DOK7: variants seen among roughly 807,000 people sequenced by gnomAD.
DOK7 encodes the protein docking protein 7, also known as protein Dok-7.
A neutral mutation model predicts 30.7 loss-of-function variants in DOK7; 32 were observed. The observed-to-expected ratio is 1.04, with a 90% confidence interval of 0.79 to 1.40. The LOEUF (loss-of-function observed/expected upper bound fraction) is 1.40. DOK7 is among the 40% of genes most tolerant of loss of function. The probability of loss-of-function intolerance (pLI) is 0.00; values close to 1 mark genes in which losing one functional copy is unlikely to be tolerated. For missense variants in DOK7, 1,007 were observed against 699.2 expected, an observed-to-expected ratio of 1.44 and a Z score of -4.97; for synonymous variants, 447 against 324.1, an observed-to-expected ratio of 1.38 and a Z score of -4.07.
At chr4:3,474,283 C>G (rs1391507839) in intron 3 of DOK7, among the ~76,000 whole-genome samples, 1 of 152,176 alleles carries the variant, frequency 6.6e-6, no homozygotes, top group Non-Finnish European at 1.5e-5. Flanking sequence ...TGCCAAAACC[C>G]CATAATGAGC....
intron 2 of DOK7, among the ~76,000 whole-genome samples, chr4:3,467,564 CGT>C (rs376864280): frequency 1.5e-4 from 23 of 150,732 alleles, no homozygotes; most frequent in African/African-American, 4.6e-4. Context: ...TGTGCACGTG[CGT>C]GTGTGTGTGT....
chr4:3,490,503 CTGCTCATTCTTTCCTTCA>C (rs1728256026), intron 6 of DOK7, among the ~76,000 whole-genome samples: 3 of 126,650 alleles, frequency 2.4e-5, no homozygotes, highest in East Asian at 2.4e-4. Flanking sequence ...CCTTTTCCCC[CTGCTCATTCTTTCCTTCA>C]CCCCCCCGCT....
At chr4:3,495,983 GC>G (rs1278429841), downstream of DOK7, among the ~76,000 whole-genome samples, 3 of 152,188 alleles carry the variant, frequency 2.0e-5, no homozygotes, top group African/African-American at 7.2e-5. Context: ...TAGGTGCTGA[GC>G]CCCCATTTCC....
At chr4:3,467,195 C>CA (rs1553844937) in intron 2 of DOK7, among the ~76,000 whole-genome samples, 3 of 151,454 alleles carry the variant, frequency 2.0e-5, no homozygotes, top group African/African-American at 7.3e-5. Context: ...GGACCCCCCC[C>CA]ACTGCGTCCC....
At chr4:3,500,483 C>A (rs1353291614) in intron 7 of DOK7, 2 of 1,507,884 alleles carry the variant, frequency 1.3e-6, no homozygotes, top group East Asian at 4.9e-5. Flanking sequence ...CCCAGCCCCA[C>A]CCAGCAGCCC....
intron 7 of DOK7, chr4:3,500,651 G>A: frequency 6.5e-7 from 1 of 1,535,588 alleles, no homozygotes. Flanking sequence ...GGGCTGGGTG[G>A]CTCGGGGCGC....
chr4:3,481,533 C>A lies in DOK7; in HGVS notation c.533-4006C>A, dbSNP rs559191429. Among the ~76,000 whole-genome samples the A allele has an allele frequency of 3.3e-5, 5 of 152,208 alleles. No homozygotes were observed. In the East Asian group the frequency reaches 7.7e-4, roughly 24 times the overall value. On this transcript the variant is annotated intron_variant, in intron 4 of 6. Transcript: ENST00000340083. ...CCAACACCCACTGCCAGGCTCCAGGCCTTCCTCCACCCGAGACCCACTAGG... is the reference window on the plus strand; with the variant it reads ...CCAACACCCACTGCCAGGCTCCAGGACTTCCTCCACCCGAGACCCACTAGG...
At chr4:3,490,150 C>CATT (rs1560225900) in intron 6 of DOK7, among the ~76,000 whole-genome samples, 2 of 62,886 alleles carry the variant, frequency 3.2e-5, no homozygotes, top group Admixed American at 2.5e-4. Context: ...TTCCTTCCTT[C>CATT]CCCACCCTGC....
Position 3,492,768 on chromosome 4 carries a change from G to A in DOK7, c.782G>A (p.Arg261His), listed in dbSNP as rs16844460. The A allele has an allele frequency of 1.9e-3, 3,036 of 1,612,562 alleles. 55 individuals carry two copies. The African/African-American group carries it at 0.037, about 20-fold the overall frequency. Residue 261 changes from arginine (R) to histidine (H), a missense_variant, in exon 7 of 7, where the codon CGC becomes CAC. Arg to His is a conservative substitution (Grantham distance 29). Transcript: ENST00000340083. ...TCCTGCTCTGTCTCAGGGGATGACC[G>A]CAGCCTGTCCAGCTCATCCTCAGAG... is the stretch of plus-strand genomic sequence containing the variant. The part of the protein sequence containing the change: ...AGRPGSGGDD[R>H]SLSSSSSEAS...
At chr4:3,466,363 CCCCG>C (rs1726263928) in intron 2 of DOK7, among the ~76,000 whole-genome samples, 3 of 152,184 alleles carry the variant, frequency 2.0e-5, no homozygotes, top group Non-Finnish European at 4.4e-5. Flanking sequence ...CTGGCAGGTG[CCCCG>C]TGAGCCCCGG....
intron 2 of DOK7, among the ~76,000 whole-genome samples, chr4:3,469,478 G>A (rs867079619): frequency 1.3e-5 from 2 of 152,140 alleles, no homozygotes; most frequent in Admixed American, 1.3e-4. Flanking sequence ...CCCCCAGCCG[G>A]AGGGTGGGTG....
At chr4:3,473,758 C>G in intron 3 of DOK7, 122 bp downstream of exon 3, 2 of 982,046 alleles carry the variant, frequency 2.0e-6, no homozygotes, top group South Asian at 1.7e-5. Context: ...ATGGGACATT[C>G]ATGGGTGCCT....
chr4:3,479,640 C>G (rs1727320237), intron 4 of DOK7, among the ~76,000 whole-genome samples: 1 of 152,204 alleles, frequency 6.6e-6, no homozygotes, highest in South Asian at 2.1e-4. Context: ...AGAGGGTGAC[C>G]CTGGCCCAAG....
At chr4:3,482,508 A>G (rs1469844587) in intron 4 of DOK7, among the ~76,000 whole-genome samples, 1 of 152,204 alleles carries the variant, frequency 6.6e-6, no homozygotes, top group Non-Finnish European at 1.5e-5. Context: ...GGGCTGGGAG[A>G]GCATCCCTCA....
At chr4:3,490,541 C>T (rs1435840072) in intron 6 of DOK7, among the ~76,000 whole-genome samples, 2 of 90,806 alleles carry the variant, frequency 2.2e-5, no homozygotes, top group African/African-American at 1.1e-4. Flanking sequence ...TCATTCGTTC[C>T]TTCCTTCTCC....
chr4:3,492,060 T>C (rs756397229), intron 6 of DOK7, among the ~76,000 whole-genome samples: 16 of 152,200 alleles, frequency 1.1e-4, no homozygotes, highest in Non-Finnish European at 1.5e-4. Flanking sequence ...GACTCACAGC[T>C]GCTTTCCATT....
chr4:3,490,859 C>T (rs1382236907), intron 6 of DOK7, among the ~76,000 whole-genome samples: 6 of 103,866 alleles, frequency 5.8e-5, no homozygotes, highest in African/African-American at 2.4e-4. Context: ...CCCCCCCACT[C>T]ATTTCATTCC....
At chr4:3,464,554 G>T (rs919152543) in intron 2 of DOK7, among the ~76,000 whole-genome samples, 1 of 152,220 alleles carries the variant, frequency 6.6e-6, no homozygotes, top group Non-Finnish European at 1.5e-5. Context: ...GAAGGGATGG[G>T]GTCTGGGCAG....
At chr4:3,501,020 G>T in exon 8 of DOK7, 1 of 852,436 alleles carries the variant, frequency 1.2e-6, no homozygotes, top group South Asian at 1.8e-5. Context: ...CTGCCTCACA[G>T]GTGTCCGGGG....
Sources: gnomAD v4.1 joint callset for allele counts (sites outside exome capture counted in the v4.1 genomes callset) on GRCh38, gnomAD v4.1.1 for gene constraint, MANE v1.5 for transcripts, NCBI Gene and HGNC (gene_info 2026-07-23, HGNC 2026-07-21) for gene names.